The following MYOM2 variants were observed in gnomAD, a reference collection of about 807,000 sequenced individuals.
MYOM2 encodes the protein myomesin 2.
A neutral mutation model predicts 187.6 loss-of-function variants in MYOM2; 254 were observed. The ratio of observed to expected loss-of-function variants is 1.35; its 90% CI spans 1.22 to 1.50. The LOEUF is 1.50. Ranked by LOEUF, MYOM2 falls within the 40% of genes most tolerant of loss-of-function variation. The pLI is 0.00. For synonymous variants in MYOM2, 981 were observed against 753.8 expected, an observed-to-expected ratio of 1.30 and a Z score of -4.94; for missense variants, 2,796 against 1,924.0, an observed-to-expected ratio of 1.45 and a Z score of -8.48.
At chr8:2,068,222 G>A (rs915791514) in intron 6 of MYOM2, among the ~76,000 whole-genome samples, 8 of 151,880 alleles carry the variant, frequency 5.3e-5, no homozygotes, top group Admixed American at 4.6e-4. Flanking sequence ...CAATGCCTGT[G>A]TGCACCAGGT....
At chr8:2,052,019 G>A (rs967577941) in intron 2 of MYOM2, 139 bp from the exon 3 acceptor site, 3 of 996,300 alleles carry the variant, frequency 3.0e-6, no homozygotes, top group African/African-American at 1.6e-5. Flanking sequence ...CCTCTCATAT[G>A]CCTGTGCATG....
At chr8:2,140,964 A>G in intron 33 of MYOM2, 78 bp downstream of exon 33, 3 of 1,435,812 alleles carry the variant, frequency 2.1e-6, no homozygotes, top group Admixed American at 2.1e-5. Flanking sequence ...GGAATACAAT[A>G]TGAATACAAG....
In MYOM2 at chr8:2,090,159, T is replaced by A; in HGVS notation, c.1796T>A (p.Ile599Lys). The change falls in exon 15 of 37, where the codon ATA (isoleucine) becomes AAA (lysine). Residue 599 changes from isoleucine to lysine, a missense_variant. Ile to Lys is a moderately radical substitution (Grantham distance 102). Coordinates refer to ENST00000262113, the MANE Select transcript of MYOM2 (RefSeq NM_003970.4). ...CATGGCCTGAGCGAACCTTCGGAGA[T>A]AACGTCCCCCATTCAGGCCCAGGAT... ...NRHGLSEPSEITSPIQAQDVT... is the reference protein window; with the variant it reads ...NRHGLSEPSEKTSPIQAQDVT... 1 of 1,613,974 alleles carries A rather than the reference T, an allele frequency of 6.2e-7. No homozygotes were observed. The highest frequency in any genetic ancestry group is 8.5e-7 in the Non-Finnish European group (1 of 1,179,944).
intron 11 of MYOM2, 120 bp downstream of exon 11, chr8:2,076,402 G>T: frequency 1.6e-6 from 2 of 1,286,498 alleles, no homozygotes; most frequent in Non-Finnish European, 2.1e-6. Flanking sequence ...TTGGCTCTAG[G>T]TACATGGCTA....
intron 35 of MYOM2, among the ~76,000 whole-genome samples, chr8:2,142,958 G>A (rs866575351): frequency 1.3e-5 from 2 of 151,962 alleles, no homozygotes; most frequent in African/African-American, 4.8e-5. Context: ...GTTTCATCAT[G>A]TTGGCCAGGC....
In MYOM2 at chr8:2,085,596, CA is replaced by C. The variant is rs1819834514; in HGVS notation, c.1644+207del. Among the ~76,000 whole-genome samples the C allele has an allele frequency of 1.3e-3, 15 of 11,418 alleles. 3 individuals are homozygous for C. Among genetic ancestry groups the C allele is most frequent in the Admixed American group, 6.0e-3 (6 of 996 alleles). 7.5% of individuals were successfully genotyped at this position (11,418 alleles called of 152,430 possible). On this transcript the variant is annotated intron_variant, in intron 14 of 36. Transcript: ENST00000262113. ...CACTGTTGTGATCTCTGCGTGGCCCCACTGTCGTGATCTCTGCGTGGCCCCC... is the reference window on the plus strand; with the variant it reads ...CACTGTTGTGATCTCTGCGTGGCCCCCTGTCGTGATCTCTGCGTGGCCCCC...
chr8:2,079,640 G>A (rs768084427), intron 13 of MYOM2, 27 bp downstream of exon 13: 5 of 1,610,932 alleles, frequency 3.1e-6, no homozygotes, highest in Non-Finnish European at 4.2e-6. Flanking sequence ...CACCCCAGCT[G>A]CTCAGCCCCT....
intron 13 of MYOM2, among the ~76,000 whole-genome samples, chr8:2,084,752 C>A (rs1000031197): frequency 6.6e-6 from 1 of 152,130 alleles, no homozygotes; most frequent in Non-Finnish European, 1.5e-5. Flanking sequence ...TGGTACTGAG[C>A]TTTTGAGGGA....
intron 18 of MYOM2, 101 bp from the exon 19 acceptor site, chr8:2,098,756 C>G (rs1478003341): frequency 2.3e-6 from 3 of 1,299,840 alleles, no homozygotes; most frequent in African/African-American, 1.5e-5. Context: ...GTTCCTTCCT[C>G]TCATATTTTA....
At chr8:2,085,567 G>GCC (rs1554546526) in intron 14 of MYOM2, among the ~76,000 whole-genome samples, 177 bp downstream of exon 14, 490 of 11,812 alleles carry the variant, frequency 0.041, 86 homozygotes, top group African/African-American at 0.07. Context: ...TCTCTGCGTG[G>GCC]CCCCACTGTT....
chr8:2,102,752 C>G lies in MYOM2; in HGVS notation c.2705C>G (p.Ser902Trp), dbSNP rs369613732. 1.2e-6 allele frequency: 2 copies of G among 1,613,906 alleles called. No homozygotes were observed. Residue 902 changes from serine (S) to tryptophan (W), a missense_variant, in exon 21 of 37, where the codon TCG (serine) becomes TGG (tryptophan). Coordinates refer to ENST00000262113, the MANE Select transcript of MYOM2 (RefSeq NM_003970.4). ...ANGVGKPSDT[S>W]EPVLVEARPG... is the part of the protein sequence containing the mutation. ...GGCGTGGGGAAGCCCTCAGACACGT[C>G]GGAGCCTGTGCTGGTAGAGGCGAGA... is the stretch of plus-strand genomic sequence containing the variant.
At chr8:2,052,000 A>G (rs1818505370) in intron 2 of MYOM2, among the ~76,000 whole-genome samples, 158 bp from the exon 3 acceptor site, 1 of 152,134 alleles carries the variant, frequency 6.6e-6, no homozygotes, top group Non-Finnish European at 1.5e-5. Context: ...ATATGTGTGT[A>G]GGTGCATGCC....
intron 8 of MYOM2, 21 bp from the exon 9 acceptor site, chr8:2,072,324 G>A: frequency 6.2e-7 from 1 of 1,605,596 alleles, no homozygotes; most frequent in Non-Finnish European, 8.5e-7. Flanking sequence ...GGCCCTGAAA[G>A]CCTCCATCGT....
chr8:2,046,413 G>C (rs1408522582), intron 1 of MYOM2, among the ~76,000 whole-genome samples: 1 of 152,232 alleles, frequency 6.6e-6, no homozygotes, highest in African/African-American at 2.4e-5. Flanking sequence ...GTGGTGGAAA[G>C]TGGGCTGGAC....
intron 14 of MYOM2, among the ~76,000 whole-genome samples, chr8:2,087,108 C>G (rs186045757): frequency 2.2e-4 from 33 of 152,342 alleles, no homozygotes; most frequent in African/African-American, 7.5e-4. Context: ...TTGTGACCCA[C>G]TAATCTGACT....
At chr8:2,142,743 TC>T (rs1250677922) in intron 35 of MYOM2, among the ~76,000 whole-genome samples, 97,906 of 106,864 alleles carry the variant, frequency 0.92, 44,545 homozygotes, top group Non-Finnish European at 0.95. Context: ...CCTCCCTTCC[TC>T]CCCTCCCTCC....
intron 8 of MYOM2, among the ~76,000 whole-genome samples, chr8:2,070,662 G>A (rs1028585938): frequency 6.6e-6 from 1 of 152,218 alleles, no homozygotes; most frequent in African/African-American, 2.4e-5. Flanking sequence ...TAAGAACTGT[G>A]GCGCAGTTAC....
In MYOM2 at chr8:2,144,926, C is replaced by A; in HGVS notation, c.4343C>A (p.Pro1448His). 1.2e-6 allele frequency: 2 copies of A among 1,614,186 alleles called. No homozygotes were observed. The highest frequency in any genetic ancestry group is 1.7e-6 in the Non-Finnish European group (2 of 1,180,046). Residue 1448 changes from proline to histidine, a missense_variant, in exon 37 of 37, where the codon CCC becomes CAC. Coordinates refer to ENST00000262113, the MANE Select transcript of MYOM2 (RefSeq NM_003970.4). ...HGEKIPDMAP[P>H]QQAKPKLIPA... is the part of the protein sequence containing the mutation. ...GAGAAGATCCCGGACATGGCCCCGC[C>A]CCAGCAAGCCAAGCCCAAGCTCATC...
intron 32 of MYOM2, among the ~76,000 whole-genome samples, chr8:2,130,015 C>T (rs1042970566): frequency 2.6e-5 from 4 of 152,160 alleles, no homozygotes; most frequent in African/African-American, 9.7e-5. Context: ...CAAAGGATGA[C>T]GTGTTCAGGC....
Sources: gnomAD v4.1 joint callset for allele counts (sites outside exome capture counted in the v4.1 genomes callset) on GRCh38, gnomAD v4.1.1 for gene constraint, MANE v1.5 for transcripts, NCBI Gene and HGNC (gene_info 2026-07-23, HGNC 2026-07-21) for gene names.